SYT16: variants seen among roughly 807,000 people sequenced by gnomAD.
SYT16 encodes synaptotagmin-16.
SYT16 carries 42 observed loss-of-function variants against 61.4 expected under a neutral mutation model. The observed-to-expected ratio is 0.68, with a 90% CI of 0.53 to 0.89. The LOEUF (loss-of-function observed/expected upper bound fraction) is 0.89, where lower values mean the gene tolerates loss of function less well. SYT16 is among the 40% of genes least tolerant of loss of function. SYT16 has a pLI of 0.00. For synonymous variants in SYT16, 314 were observed against 302.3 expected (o/e 1.04, Z -0.40); for missense variants, 804 against 807.3 (o/e 1.00, Z 0.05).
At chr14:62,017,600 A>T (rs1198368482) in intron 3 of SYT16, among the ~76,000 whole-genome samples, 1 of 152,112 alleles carries the variant, frequency 6.6e-6, no homozygotes, top group Non-Finnish European at 1.5e-5. Flanking sequence ...CCTTTTATTC[A>T]TGCATGTAAT....
chr14:61,822,201 A>C (rs1214098777), intron 1 of SYT16, among the ~76,000 whole-genome samples: 1 of 152,226 alleles, frequency 6.6e-6, no homozygotes, highest in Non-Finnish European at 1.5e-5. Context: ...TTGCTGGTAC[A>C]AGTCCAACAA....
At chr14:61,894,541 G>C (rs2048259704) in intron 1 of SYT16, among the ~76,000 whole-genome samples, 2 of 152,154 alleles carry the variant, frequency 1.3e-5, no homozygotes, top group African/African-American at 4.8e-5. Context: ...CTCCCACACA[G>C]AAGGTGAACA....
chr14:62,064,956 A>G (rs1456053579), intron 3 of SYT16, among the ~76,000 whole-genome samples: 1 of 152,166 alleles, frequency 6.6e-6, no homozygotes, highest in East Asian at 1.9e-4. Flanking sequence ...CGCAAGTTTC[A>G]TTTTTAGACT....
At chr14:61,849,794 G>A (rs765597155) in intron 1 of SYT16, among the ~76,000 whole-genome samples, 9 of 152,106 alleles carry the variant, frequency 5.9e-5, no homozygotes, top group East Asian at 1.9e-4. Context: ...TTGGTCACCC[G>A]ATTTTTCATT....
chr14:62,037,400 C>T (rs1006631885), intron 3 of SYT16, among the ~76,000 whole-genome samples: 3 of 152,078 alleles, frequency 2.0e-5, no homozygotes, highest in Admixed American at 2.0e-4. Context: ...ACATGTGGTT[C>T]GGGATGTCTC....
intron 2 of SYT16, among the ~76,000 whole-genome samples, chr14:61,982,720 GA>G (rs1206598457): frequency 2.0e-5 from 3 of 152,148 alleles, no homozygotes; most frequent in Non-Finnish European, 4.4e-5. Context: ...TACTTTATGG[GA>G]AGTTTTGAAG....
intron 3 of SYT16, among the ~76,000 whole-genome samples, chr14:62,044,766 T>TTC (rs2054897446): frequency 6.6e-6 from 1 of 152,080 alleles, no homozygotes; most frequent in Admixed American, 6.6e-5. Flanking sequence ...CGGACTTGAG[T>TTC]AAGTGCTGAT....
intron 1 of SYT16, among the ~76,000 whole-genome samples, chr14:61,856,584 G>A (rs1171063581): frequency 1.3e-5 from 2 of 152,130 alleles, no homozygotes; most frequent in African/African-American, 4.8e-5. Context: ...GGAAGGAGCG[G>A]GTTTGGGCGG....
intron 5 of SYT16, among the ~76,000 whole-genome samples, chr14:62,078,172 A>AACACACACACAAACACAC (rs1555382593): frequency 7.8e-6 from 1 of 128,786 alleles, no homozygotes; most frequent in Non-Finnish European, 1.6e-5. Context: ...TATATATATA[A>AACACACACACAAACACAC]ACACACACAC....
chr14:61,886,209 C>CT (rs2047895166), intron 1 of SYT16, among the ~76,000 whole-genome samples: 1 of 152,114 alleles, frequency 6.6e-6, no homozygotes, highest in Non-Finnish European at 1.5e-5. Context: ...CGTGATCCGC[C>CT]TGCCTCGGCC....
intron 3 of SYT16, among the ~76,000 whole-genome samples, chr14:62,036,141 AC>A (rs1566784259): frequency 6.6e-6 from 1 of 152,126 alleles, no homozygotes; most frequent in East Asian, 1.9e-4. Context: ...AGGGAAAGGA[AC>A]CCAAGCTGAG....
rs535924752 is a variant in SYT16 at position 61,890,067 on chromosome 14, G to A, written c.-325+77257G>A. The stretch of plus-strand genomic sequence containing the variant: ...CCTTTTATAAGTCGAGAAAGATCAC[G>A]AAGAGGCAGGATATTGCTCTACCCT... On this transcript the variant is annotated intron_variant, in intron 1 of 7. Coordinates refer to ENST00000683842, the MANE Select transcript of SYT16 (RefSeq NM_001367656.1). 5.9e-5 allele frequency among the ~76,000 whole-genome samples: 9 copies of A among 152,278 alleles called. No homozygotes were observed. In the East Asian group the frequency reaches 1.7e-3, roughly 29 times the overall value.
intron 3 of SYT16, among the ~76,000 whole-genome samples, chr14:62,013,063 T>C (rs944179580): frequency 6.6e-6 from 1 of 152,248 alleles, no homozygotes; most frequent in Non-Finnish European, 1.5e-5. Flanking sequence ...GTTATCTATA[T>C]AGTAGTTAAC....
At position 61,990,243 on chromosome 14, in the gene SYT16, CATG is replaced by C. The variant is rs780351373; in HGVS notation, c.-144-5630_-144-5628del. Among the ~76,000 whole-genome samples the C allele has an allele frequency of 1.4e-4, 21 of 152,238 alleles. No homozygotes were observed. In the East Asian group the frequency reaches 2.3e-3, roughly 17 times the overall value. On this transcript the variant is annotated intron_variant, in intron 2 of 7. Transcript: ENST00000683842. ...ATGCAAAATGTCTTTCTCCAAAAGG[CATG>C]ATAATTGTCATAAAAATAATTAGCT...
chr14:61,897,665 C>T (rs1195093957), intron 1 of SYT16, among the ~76,000 whole-genome samples: 1 of 152,110 alleles, frequency 6.6e-6, no homozygotes, highest in Non-Finnish European at 1.5e-5. Context: ...GCAAAAGACT[C>T]ACACAGCTGA....
intron 2 of SYT16, among the ~76,000 whole-genome samples, chr14:61,989,245 C>T (rs1312594013): frequency 6.6e-6 from 1 of 151,928 alleles, no homozygotes; most frequent in African/African-American, 2.4e-5. Context: ...TATTGAATAC[C>T]TGATGTTGAG....
intron 3 of SYT16, among the ~76,000 whole-genome samples, chr14:62,021,593 C>T (rs1951712494): frequency 1.3e-5 from 2 of 151,844 alleles, no homozygotes; most frequent in Non-Finnish European, 2.9e-5. Flanking sequence ...TCTATTTTTT[C>T]CTAGGAAAGA....
chr14:61,869,018 C>T (rs1164549999), intron 1 of SYT16, among the ~76,000 whole-genome samples: 1 of 151,974 alleles, frequency 6.6e-6, no homozygotes, highest in Non-Finnish European at 1.5e-5. Context: ...ATGACTTGAT[C>T]CCTTTATGAT....
chr14:61,878,502 C>T (rs182172256), intron 1 of SYT16, among the ~76,000 whole-genome samples: 78 of 152,272 alleles, frequency 5.1e-4, no homozygotes, highest in Admixed American at 2.5e-3. Flanking sequence ...CAGTTGTACC[C>T]GGCCATGAAA....
Sources: allele counts gnomAD v4.1 joint callset (sites outside exome capture counted in the v4.1 genomes callset), GRCh38; gene constraint gnomAD v4.1.1; transcripts MANE v1.5; gene names NCBI Gene and HGNC (gene_info 2026-07-23, HGNC 2026-07-21).